Variants in RREB1 observed in about 807,000 individuals in gnomAD.
RREB1 encodes ras-responsive element-binding protein 1.
A neutral mutation model predicts 117.8 loss-of-function variants in RREB1; 27 were observed. The observed-to-expected ratio is 0.23, with a 90% CI of 0.17 to 0.32. The LOEUF is 0.32. Among genes scored for constraint, RREB1 ranks in the 10% least tolerant of loss-of-function variants. The pLI is 1.00. For synonymous variants in RREB1, 1,298 were observed against 1,026.7 expected, an observed-to-expected ratio of 1.26 and a Z score of -5.05; for missense variants, 2,577 against 2,378.2, an observed-to-expected ratio of 1.08 and a Z score of -1.74.
At chr6:7,123,719 T>G (rs921675554) in intron 1 of RREB1, among the ~76,000 whole-genome samples, 5 of 146,322 alleles carry the variant, frequency 3.4e-5, no homozygotes, top group African/African-American at 1.3e-4. Flanking sequence ...CACACCATTC[T>G]CCTGCCTCAG....
intron 6 of RREB1, among the ~76,000 whole-genome samples, chr6:7,204,733 C>CATT (rs1275671729): frequency 1.3e-5 from 2 of 152,132 alleles, no homozygotes; most frequent in African/African-American, 4.8e-5. Flanking sequence ...TTGGCTCCTT[C>CATT]ATTAACAGTC....
intron 1 of RREB1, among the ~76,000 whole-genome samples, chr6:7,127,098 G>A (rs1266147091): frequency 6.6e-6 from 1 of 152,090 alleles, no homozygotes; most frequent in Non-Finnish European, 1.5e-5. Context: ...GGCAAAAAGT[G>A]GAATGTGACT....
At chr6:7,202,774 G>A (rs1043176855) in intron 6 of RREB1, among the ~76,000 whole-genome samples, 2 of 152,144 alleles carry the variant, frequency 1.3e-5, no homozygotes, top group African/African-American at 4.8e-5. Context: ...GCCTGTCCGT[G>A]GGAAATGAGA....
At chr6:7,192,484 C>T (rs533753001) in intron 6 of RREB1, among the ~76,000 whole-genome samples, 10 of 152,128 alleles carry the variant, frequency 6.6e-5, no homozygotes, top group South Asian at 2.1e-4. Context: ...AGAGCCACCG[C>T]GCCTCACCCC....
chr6:7,171,567 A>G (rs1479648634), intron 1 of RREB1, among the ~76,000 whole-genome samples: 1 of 152,236 alleles, frequency 6.6e-6, no homozygotes, highest in Non-Finnish European at 1.5e-5. Context: ...CAAGTGACTC[A>G]GTCCCTCTCA....
Position 7,228,897 on chromosome 6 carries a change from G to A in RREB1, c.898-100G>A. The A allele has an allele frequency of 3.6e-6, 4 of 1,102,208 alleles. No homozygotes were observed. In the South Asian group the frequency reaches 1.0e-4, roughly 28 times the overall value. The allele number at this position is 1,102,208 out of a possible 1,614,324, so 68.3% of individuals were successfully genotyped here. ...ATGTTATGGGGAAAGGCTGTGTACT[G>A]GGATAAATGTACAACAAATACTTTG... is the stretch of plus-strand genomic sequence containing the variant. On this transcript the variant is annotated intron_variant, in intron 9 of 12. Transcript: ENST00000379938.
At chr6:7,159,117 A>G (rs112597044) in intron 1 of RREB1, among the ~76,000 whole-genome samples, 3,619 of 152,298 alleles carry the variant, frequency 0.024, 159 homozygotes, top group African/African-American at 0.082. Flanking sequence ...AGGGGGACTC[A>G]GATTTAATGA....
chr6:7,229,980 G>A lies in RREB1; in HGVS notation c.1881G>A (p.Met627Ile). The A allele has an allele frequency of 6.2e-7, 1 of 1,607,462 alleles. No individual in the cohort carries two copies. The highest frequency in any genetic ancestry group is 1.1e-5 in the South Asian group (1 of 90,756). The change falls in exon 10 of 13, where the codon ATG (methionine) becomes ATA (isoleucine). Residue 627 changes from methionine (M) to isoleucine (I), a missense_variant. Transcript: ENST00000379938. The surrounding 1 kb of genome is among the most constrained non-coding windows in gnomAD (Gnocchi z 4.5). ...EITEGELKAFMTAPGGKKTPA... is the reference protein window; with the variant it reads ...EITEGELKAFITAPGGKKTPA... ...CAGAGGGGGAACTCAAGGCCTTCAT[G>A]ACAGCGCCCGGCGGCAAGAAGACGC...
intron 1 of RREB1, among the ~76,000 whole-genome samples, chr6:7,166,709 T>C (rs1026253728): frequency 2.6e-5 from 4 of 152,188 alleles, no homozygotes; most frequent in African/African-American, 9.6e-5. Context: ...CCACAAGTCA[T>C]TTTGGTTTTC....
In RREB1 at chr6:7,240,501, G is replaced by A. The variant is rs542926698; in HGVS notation, c.3872G>A (p.Arg1291His). The A allele has an allele frequency of 7.4e-6, 12 of 1,613,642 alleles. No homozygotes were observed. The highest frequency in any genetic ancestry group is 1.7e-5 in the Admixed American group (1 of 59,972). Residue 1291 changes from arginine to histidine, a missense_variant, in exon 11 of 13, where the codon CGC becomes CAC. Coordinates refer to ENST00000379938, the MANE Select transcript of RREB1 (RefSeq NM_001003699.4). Reference protein sequence around the residue: ...AFFSTKSNCERHQLRKHGVTT... With the variant: ...AFFSTKSNCEHHQLRKHGVTT... Reference sequence around the variant, plus strand: ...TTTTCTACCAAATCTAACTGTGAACGCCACCAGTTGCGCAAACACGGAGTT... The same window carrying A: ...TTTTCTACCAAATCTAACTGTGAACACCACCAGTTGCGCAAACACGGAGTT...
intron 1 of RREB1, among the ~76,000 whole-genome samples, chr6:7,121,581 G>T (rs930905203): frequency 1.3e-5 from 2 of 152,054 alleles, no homozygotes; most frequent in African/African-American, 4.8e-5. Context: ...TATCTAATGT[G>T]TTGGGCCCTC....
At chr6:7,155,620 G>T (rs1168118069) in intron 1 of RREB1, among the ~76,000 whole-genome samples, 3 of 152,228 alleles carry the variant, frequency 2.0e-5, no homozygotes, top group Admixed American at 2.0e-4. Flanking sequence ...CAGGACTTAA[G>T]TTTTAATAGA....
At chr6:7,130,568 A>C (rs1762110625) in intron 1 of RREB1, among the ~76,000 whole-genome samples, 1 of 151,364 alleles carries the variant, frequency 6.6e-6, no homozygotes, top group African/African-American at 2.4e-5. Flanking sequence ...GGGGTTCACT[A>C]GTGAAAGCTG....
chr6:7,110,235 T>G (rs1004877088), intron 1 of RREB1, among the ~76,000 whole-genome samples: 1 of 152,220 alleles, frequency 6.6e-6, no homozygotes, highest in African/African-American at 2.4e-5. Flanking sequence ...GTTTTGTTTT[T>G]TCACACCCAT....
At chr6:7,135,972 C>CT (rs1762337565) in intron 1 of RREB1, among the ~76,000 whole-genome samples, 1 of 152,122 alleles carries the variant, frequency 6.6e-6, no homozygotes, top group South Asian at 2.1e-4. Flanking sequence ...TGGCATATGA[C>CT]TAAGCAAGTC....
At chr6:7,247,782 T>C in intron 12 of RREB1, among the ~76,000 whole-genome samples, 1 of 152,202 alleles carries the variant, frequency 6.6e-6, no homozygotes, top group South Asian at 2.1e-4. Flanking sequence ...GGGTGGAGGC[T>C]GCAGACCCCA....
chr6:7,179,700 C>A (rs1764690000), intron 2 of RREB1, among the ~76,000 whole-genome samples: 1 of 151,980 alleles, frequency 6.6e-6, no homozygotes, highest in South Asian at 2.1e-4. Context: ...TGTACACACT[C>A]ATGTATGCAC....
At chr6:7,224,035 TA>T (rs1431650472) in intron 8 of RREB1, among the ~76,000 whole-genome samples, 4 of 120,014 alleles carry the variant, frequency 3.3e-5, no homozygotes, top group East Asian at 2.1e-4. Flanking sequence ...TTGGACAGAA[TA>T]TTTTTTTTTT....
intron 2 of RREB1, among the ~76,000 whole-genome samples, chr6:7,177,081 T>C (rs916576413): frequency 2.0e-5 from 3 of 151,604 alleles, no homozygotes; most frequent in African/African-American, 4.8e-5. Context: ...TAGCCAGGCG[T>C]GGTGGTGCGT....
Sources: allele counts gnomAD v4.1 joint callset (sites outside exome capture counted in the v4.1 genomes callset), GRCh38; gene constraint gnomAD v4.1.1; non-coding constraint Gnocchi (gnomAD v3.1); transcripts MANE v1.5; gene names NCBI Gene and HGNC (gene_info 2026-07-23, HGNC 2026-07-21).